DOCK2: variants seen among roughly 807,000 people sequenced by gnomAD.
DOCK2 encodes dedicator of cytokinesis 2.
DOCK2 carries 87 observed loss-of-function variants against 248.9 expected under a neutral mutation model. The observed-to-expected ratio is 0.35, with a 90% CI of 0.29 to 0.42. The LOEUF is 0.42. DOCK2 is among the 10% of genes least tolerant of loss of function. The pLI is 1.00. For missense variants in DOCK2, 1,747 were observed against 2,300.2 expected (o/e 0.76, Z 4.92); for synonymous variants, 805 against 821.6 (o/e 0.98, Z 0.35).
At chr5:170,035,653 TGA>T (rs1200652572) in intron 35 of DOCK2, among the ~76,000 whole-genome samples, 1 of 152,146 alleles carries the variant, frequency 6.6e-6, no homozygotes. Flanking sequence ...CTCCAAGCAC[TGA>T]GACACCACTA....
intron 27 of DOCK2, among the ~76,000 whole-genome samples, chr5:169,940,466 G>T (rs979631125): frequency 6.6e-6 from 1 of 152,134 alleles, no homozygotes; most frequent in Admixed American, 6.5e-5. Flanking sequence ...CATTTATTGT[G>T]CACTTTATTT....
chr5:169,855,718 C>T (rs1770854463), intron 27 of DOCK2, among the ~76,000 whole-genome samples: 2 of 152,292 alleles, frequency 1.3e-5, no homozygotes, highest in East Asian at 3.9e-4. Context: ...CTAAACAACA[C>T]TTCCTGGATT....
chr5:169,850,883 C>T (rs1476306496), intron 27 of DOCK2, among the ~76,000 whole-genome samples: 1 of 152,182 alleles, frequency 6.6e-6, no homozygotes, highest in East Asian at 1.9e-4. Context: ...AGGCTTGGTG[C>T]ATTTTAAGTG....
At chr5:169,642,022 C>T (rs1203194661) in intron 1 of DOCK2, among the ~76,000 whole-genome samples, 1 of 152,174 alleles carries the variant, frequency 6.6e-6, no homozygotes, top group East Asian at 1.9e-4. Context: ...GAGGTGGGGT[C>T]ACATGGCTTG....
At chr5:169,698,747 T>C (rs538494054) in intron 11 of DOCK2, among the ~76,000 whole-genome samples, 1 of 152,376 alleles carries the variant, frequency 6.6e-6, no homozygotes, top group South Asian at 2.1e-4. Flanking sequence ...CCTGTCTTCA[T>C]GGAGCTCATA....
At chr5:169,969,506 T>C (rs1404183165) in intron 27 of DOCK2, among the ~76,000 whole-genome samples, 3 of 152,210 alleles carry the variant, frequency 2.0e-5, no homozygotes, top group Non-Finnish European at 2.9e-5. Context: ...AGAGCATCCA[T>C]GGCTTTTGCA....
Position 169,747,384 on chromosome 5 carries a change from A to T in DOCK2, c.2268-12A>T, listed in dbSNP as rs371735044. The T allele has an allele frequency of 6.2e-7, 1 of 1,608,928 alleles. No individual in the cohort carries two copies. Among genetic ancestry groups the T allele is most frequent in the Non-Finnish European group, 8.5e-7 (1 of 1,177,772 alleles). ...TTAGCTTGAGAAATGACCCAGATGT[A>T]TCTTGTTTCAGGCTTTATGAAGGCA... On this transcript the variant is annotated splice_polypyrimidine_tract_variant and intron_variant, in intron 22 of 51. Transcript: ENST00000520908.
chr5:170,022,193 G>C (rs984327582), intron 33 of DOCK2, among the ~76,000 whole-genome samples: 4 of 152,168 alleles, frequency 2.6e-5, no homozygotes, highest in African/African-American at 9.7e-5. Flanking sequence ...CTTCAGCTGA[G>C]GCTTTACTTT....
chr5:169,731,716 G>A (rs1025375080), intron 22 of DOCK2, among the ~76,000 whole-genome samples: 1 of 152,168 alleles, frequency 6.6e-6, no homozygotes, highest in African/African-American at 2.4e-5. Context: ...AATTTGCTGG[G>A]CTAAAGGGTA....
At chr5:170,027,723 CATT>C in intron 33 of DOCK2, 137 bp from the exon 34 acceptor site, 1 of 709,208 alleles carries the variant, frequency 1.4e-6, no homozygotes, top group Non-Finnish European at 2.3e-6. Context: ...TATTCTGTTC[CATT>C]TTGCATTCCC....
Position 170,083,068 on chromosome 5 carries a change from A to G in DOCK2, c.*210A>G, listed in dbSNP as rs1758090542. The G allele has an allele frequency of 1.7e-6, 1 of 595,036 alleles. No individual in the cohort carries two copies. Among genetic ancestry groups the G allele is most frequent in the Non-Finnish European group, 2.9e-6 (1 of 341,532 alleles). The allele number at this position is 595,036 out of a possible 1,614,324, so 36.9% of individuals were successfully genotyped here. The stretch of plus-strand genomic sequence containing the variant: ...GGGGCTGTGATCATGGTGGATGAGG[A>G]AGCCTCAACGTAGATTCCTGAACTC... On this transcript the variant is annotated 3_prime_UTR_variant, in exon 52 of 52. Coordinates refer to ENST00000520908, the MANE Select transcript of DOCK2 (RefSeq NM_004946.3).
intron 22 of DOCK2, among the ~76,000 whole-genome samples, chr5:169,741,859 G>A (rs1216430967): frequency 6.9e-6 from 1 of 144,592 alleles, no homozygotes; most frequent in African/African-American, 2.6e-5. Flanking sequence ...TCCCAGGCTG[G>A]AGTGCAGTGG....
At chr5:169,953,313 A>G (rs552630621) in intron 27 of DOCK2, among the ~76,000 whole-genome samples, 1 of 148,820 alleles carries the variant, frequency 6.7e-6, no homozygotes, top group South Asian at 2.2e-4. Flanking sequence ...AGCCTGGGTG[A>G]CAGAGCAAGA....
chr5:169,681,636 T>TC, intron 6 of DOCK2, 108 bp from the exon 7 acceptor site: 2 of 1,360,874 alleles, frequency 1.5e-6, no homozygotes, highest in South Asian at 1.5e-5. Context: ...CTCTTCTATG[T>TC]GACTATATGA....
Position 169,639,581 on chromosome 5 carries a change from T to A in DOCK2, c.43+2212T>A, listed in dbSNP as rs115842508. Among the ~76,000 whole-genome samples, 779 of 152,320 alleles carry A rather than the reference T, an allele frequency of 5.1e-3. 7 individuals are homozygous for A. Among genetic ancestry groups the A allele is most frequent in the African/African-American group, 0.018 (736 of 41,572 alleles). ...CTGAGCCACATAGGCTGCTTAAGCT[T>A]CGGTGATCAGGTCCACCTTCCAGCC... is the stretch of plus-strand genomic sequence containing the variant. On this transcript the variant is annotated intron_variant, in intron 1 of 51. Coordinates refer to ENST00000520908, the MANE Select transcript of DOCK2 (RefSeq NM_004946.3).
At chr5:170,057,471 TG>T (rs1469461839) in intron 43 of DOCK2, 108 bp from the exon 44 acceptor site, 1 of 864,848 alleles carries the variant, frequency 1.2e-6, no homozygotes, top group Non-Finnish European at 1.9e-6. Flanking sequence ...TTCGGGTAGA[TG>T]GGAGGCCCGG....
intron 27 of DOCK2, among the ~76,000 whole-genome samples, chr5:169,962,681 T>C (rs1777140636): frequency 6.6e-6 from 1 of 151,966 alleles, no homozygotes; most frequent in Admixed American, 6.5e-5. Flanking sequence ...AAATGACATA[T>C]TGGAAAATAC....
At chr5:169,996,049 T>G in intron 29 of DOCK2, 37 bp from the exon 30 acceptor site, 3 of 1,608,912 alleles carry the variant, frequency 1.9e-6, no homozygotes, top group Non-Finnish European at 2.6e-6. Context: ...TAAGGGATCA[T>G]GCTCAGACAG....
At chr5:169,868,876 A>C (rs1701515310) in intron 27 of DOCK2, among the ~76,000 whole-genome samples, 1 of 152,204 alleles carries the variant, frequency 6.6e-6, no homozygotes, top group South Asian at 2.1e-4. Flanking sequence ...TCACAACTTG[A>C]AGCCCAGCCC....
Sources: gnomAD v4.1 joint callset for allele counts (sites outside exome capture counted in the v4.1 genomes callset) on GRCh38, gnomAD v4.1.1 for gene constraint, MANE v1.5 for transcripts, NCBI Gene and HGNC (gene_info 2026-07-23, HGNC 2026-07-21) for gene names.